Variants in LRMDA observed in about 807,000 individuals in gnomAD.
LRMDA encodes the protein leucine rich melanocyte differentiation associated.
Under a neutral mutation model 29.8 loss-of-function variants are expected in LRMDA, and 18 were observed. The observed-to-expected ratio is 0.60, with a 90% CI of 0.42 to 0.90. The LOEUF (loss-of-function observed/expected upper bound fraction) is 0.90. Among genes scored for constraint, LRMDA ranks in the 40% least tolerant of loss-of-function variants. The probability of loss-of-function intolerance (pLI) is 0.00; values close to 1 mark genes in which losing one functional copy is unlikely to be tolerated. For synonymous variants in LRMDA, 125 were observed against 109.4 expected, an observed-to-expected ratio of 1.14 and a Z score of -0.89; for missense variants, 273 against 273.9, an observed-to-expected ratio of 1.00 and a Z score of 0.02.
At chr10:76,535,637 C>T (rs1843282762) in intron 6 of LRMDA, among the ~76,000 whole-genome samples, 1 of 152,046 alleles carries the variant, frequency 6.6e-6, no homozygotes, top group African/African-American at 2.4e-5. Context: ...AATTTTCAAG[C>T]CTACAGAAAA....
At chr10:75,914,286 G>A (rs927705051) in intron 2 of LRMDA, among the ~76,000 whole-genome samples, 1 of 152,182 alleles carries the variant, frequency 6.6e-6, no homozygotes, top group East Asian at 1.9e-4. Flanking sequence ...GAAATGGCTA[G>A]TTTATGTTAA....
intron 2 of LRMDA, among the ~76,000 whole-genome samples, chr10:75,950,473 C>G (rs537201936): frequency 6.6e-6 from 1 of 152,370 alleles, no homozygotes; most frequent in South Asian, 2.1e-4. Flanking sequence ...CACATGCCCC[C>G]TCTTTCCTTC....
intron 2 of LRMDA, among the ~76,000 whole-genome samples, chr10:75,924,284 G>A (rs112047570): frequency 1.1e-4 from 16 of 152,242 alleles, no homozygotes; most frequent in Admixed American, 2.6e-4. Context: ...ATAATGTACC[G>A]AAAAATTGGA....
intron 2 of LRMDA, among the ~76,000 whole-genome samples, chr10:75,809,325 C>T (rs1016733878): frequency 4.6e-5 from 7 of 152,076 alleles, no homozygotes; most frequent in Non-Finnish European, 7.4e-5. Context: ...TTGTTTGCTA[C>T]GGGTGAGGAT....
intron 2 of LRMDA, among the ~76,000 whole-genome samples, chr10:75,577,174 C>T (rs1245794414): frequency 1.3e-5 from 2 of 152,116 alleles, no homozygotes; most frequent in Admixed American, 6.5e-5. Flanking sequence ...ACTAGAATAA[C>T]CAGTATAGAG....
At chr10:75,739,391 A>C (rs908601699) in intron 2 of LRMDA, among the ~76,000 whole-genome samples, 8 of 152,172 alleles carry the variant, frequency 5.3e-5, no homozygotes, top group African/African-American at 1.9e-4. Flanking sequence ...ATTACTTGCC[A>C]TGTACAAAAT....
At chr10:75,587,560 A>G (rs1292425532) in intron 2 of LRMDA, among the ~76,000 whole-genome samples, 1 of 152,218 alleles carries the variant, frequency 6.6e-6, no homozygotes, top group Admixed American at 6.5e-5. Flanking sequence ...ACTAAATGGC[A>G]TATCTTTATT....
At chr10:76,420,151 T>C (rs991082078) in intron 6 of LRMDA, among the ~76,000 whole-genome samples, 1 of 152,032 alleles carries the variant, frequency 6.6e-6, no homozygotes, top group African/African-American at 2.4e-5. Context: ...TTCTTTCTTA[T>C]GTATTTGGAA....
intron 5 of LRMDA, among the ~76,000 whole-genome samples, chr10:76,059,132 G>C (rs1848664571): frequency 6.6e-6 from 1 of 152,102 alleles, no homozygotes; most frequent in South Asian, 2.1e-4. Context: ...GGGTAGGGGG[G>C]ATTCTTCTAG....
intron 2 of LRMDA, among the ~76,000 whole-genome samples, chr10:75,449,051 C>A (rs1266547506): frequency 6.6e-6 from 1 of 150,688 alleles, no homozygotes; most frequent in Non-Finnish European, 1.5e-5. Flanking sequence ...ACTCGGGAGG[C>A]TGAGGCAGGA....
chr10:75,789,981 G>T (rs1383427355), intron 2 of LRMDA, among the ~76,000 whole-genome samples: 2 of 152,020 alleles, frequency 1.3e-5, no homozygotes, highest in East Asian at 3.8e-4. Flanking sequence ...ATACGAGATG[G>T]TTAAGGATAT....
At chr10:75,817,860 T>C (rs761457173) in intron 2 of LRMDA, among the ~76,000 whole-genome samples, 1 of 152,186 alleles carries the variant, frequency 6.6e-6, no homozygotes, top group Non-Finnish European at 1.5e-5. Context: ...AGGGAGGATA[T>C]TTCATTATCT....
chr10:76,254,833 G>GA (rs1852561811), intron 5 of LRMDA, among the ~76,000 whole-genome samples: 1 of 13,794 alleles, frequency 7.2e-5, no homozygotes, highest in Admixed American at 5.4e-4. Context: ...TTTTATTTTA[G>GA]AAGTTACGAC....
chr10:76,507,292 A>G (rs1487561791), intron 6 of LRMDA, among the ~76,000 whole-genome samples: 1 of 151,602 alleles, frequency 6.6e-6, no homozygotes, highest in African/African-American at 2.4e-5. Context: ...AAAAAAAATC[A>G]GATTGTTATT....
chr10:76,294,174 C>A (rs1358922861), intron 5 of LRMDA, among the ~76,000 whole-genome samples: 1 of 152,164 alleles, frequency 6.6e-6, no homozygotes, highest in African/African-American at 2.4e-5. Flanking sequence ...GGGCCTATGA[C>A]CAGAGTGAAC....
intron 2 of LRMDA, among the ~76,000 whole-genome samples, chr10:75,703,375 C>T (rs922066920): frequency 6.6e-6 from 1 of 152,170 alleles, no homozygotes; most frequent in Admixed American, 6.5e-5. Context: ...GAGAGAGTTC[C>T]GTTTTCTCTT....
intron 2 of LRMDA, among the ~76,000 whole-genome samples, chr10:75,648,414 G>GT (rs887099518): frequency 1.3e-5 from 2 of 152,094 alleles, no homozygotes; most frequent in Admixed American, 6.5e-5. Context: ...CGGGAAAAGT[G>GT]TTTTTTTCCT....
chr10:75,729,648 A>G (rs1049649207), intron 2 of LRMDA, among the ~76,000 whole-genome samples: 2 of 152,204 alleles, frequency 1.3e-5, no homozygotes, highest in Non-Finnish European at 2.9e-5. Context: ...TCATGAAAAT[A>G]CTAAGGTGAG....
intron 6 of LRMDA, among the ~76,000 whole-genome samples, chr10:76,418,638 G>A (rs1842043177): frequency 6.6e-6 from 1 of 151,638 alleles, no homozygotes; most frequent in African/African-American, 2.4e-5. Context: ...AATTGGCCAT[G>A]ACCTCTAGTA....
Sources: allele counts gnomAD v4.1 joint callset (sites outside exome capture counted in the v4.1 genomes callset), GRCh38; gene constraint gnomAD v4.1.1; transcripts MANE v1.5; gene names NCBI Gene and HGNC (gene_info 2026-07-23, HGNC 2026-07-21).